DTWD2: variants seen among roughly 807,000 people sequenced by gnomAD.
DTWD2 encodes DTW motif tRNA-uridine aminocarboxypropyltransferase 2, also known as tRNA-uridine aminocarboxypropyltransferase 2.
DTWD2 carries 39 observed loss-of-function variants against 31.8 expected under a neutral mutation model. The ratio of observed to expected loss-of-function variants is 1.22; its 90% confidence interval spans 0.95 to 1.60. The LOEUF (loss-of-function observed/expected upper bound fraction) is 1.60, where lower values mean the gene tolerates loss of function less well. Ranked by LOEUF, DTWD2 falls within the 40% of genes most tolerant of loss-of-function variation. DTWD2 has a pLI of 0.00. For missense variants in DTWD2, 515 were observed against 381.5 expected, an observed-to-expected ratio of 1.35 and a Z score of -2.92; for synonymous variants, 180 against 142.8, an observed-to-expected ratio of 1.26 and a Z score of -1.86.
At chr5:118,847,914 AAC>A (rs59490246) in intron 5 of DTWD2, among the ~76,000 whole-genome samples, 174 bp downstream of exon 5, 49,085 of 146,508 alleles carry the variant, frequency 0.34, 9,079 homozygotes, top group African/African-American at 0.58. Flanking sequence ...TGGAATGCTA[AAC>A]ACACACACAG....
chr5:118,881,410 T>C (rs1413317298), intron 4 of DTWD2, among the ~76,000 whole-genome samples: 1 of 152,218 alleles, frequency 6.6e-6, no homozygotes, highest in Non-Finnish European at 1.5e-5. Flanking sequence ...ATGGCTTATA[T>C]GAGTATTAAT....
In DTWD2 at chr5:118,837,638, T is replaced by C. The variant is rs1039271469; in HGVS notation, c.*3279A>G. ...AGAAACTGAGTAAATTATACAGAAGTGCTCTTCTATATAATTTACTGAGAG... is the reference window on the plus strand; with the variant it reads ...AGAAACTGAGTAAATTATACAGAAGCGCTCTTCTATATAATTTACTGAGAG... On this transcript the variant is annotated 3_prime_UTR_variant, in exon 6 of 6. Coordinates refer to ENST00000510708, the MANE Select transcript of DTWD2 (RefSeq NM_173666.4). The C allele has an allele frequency of 1.3e-5, 2 of 152,158 alleles. No homozygotes were observed. The highest frequency in any genetic ancestry group is 4.8e-5 in the African/African-American group (2 of 41,436). The allele number at this position is 152,158 out of a possible 1,614,324, so 9.4% of individuals were successfully genotyped here.
rs1448907554 is a variant in DTWD2 at position 118,839,017 on chromosome 5, C to G, written c.*1900G>C. ...CTCTACTAAAAATACAAAAAATTAG[C>G]CGGGCGTGGTGGTGGGCACCTGTAG... On this transcript the variant is annotated 3_prime_UTR_variant, in exon 6 of 6. Coordinates refer to ENST00000510708, the MANE Select transcript of DTWD2 (RefSeq NM_173666.4). The G allele has an allele frequency of 6.6e-6, 1 of 152,088 alleles. No homozygotes were observed. Among genetic ancestry groups the G allele is most frequent in the African/African-American group, 2.4e-5 (1 of 41,392 alleles). 9.4% of individuals were successfully genotyped at this position (152,088 alleles called of 1,614,324 possible).
At chr5:118,932,178 C>G (rs956097060) in intron 3 of DTWD2, among the ~76,000 whole-genome samples, 2 of 151,700 alleles carry the variant, frequency 1.3e-5, no homozygotes, top group African/African-American at 4.8e-5. Context: ...ACAACAACAA[C>G]AAAAACAACA....
chr5:118,867,485 C>G lies in DTWD2; in HGVS notation c.598-19267G>C, dbSNP rs561226040. Reference sequence around the variant, plus strand: ...TTCAAGACAGCAGAATGATTAAAAACTCTCTTGAGCCAGACTGTCTTTGAA... The same window carrying G: ...TTCAAGACAGCAGAATGATTAAAAAGTCTCTTGAGCCAGACTGTCTTTGAA... On this transcript the variant is annotated intron_variant, in intron 4 of 5. Transcript: ENST00000510708. 3.9e-5 allele frequency among the ~76,000 whole-genome samples: 6 copies of G among 152,266 alleles called. No homozygotes were observed. The South Asian group carries it at 1.2e-3, about 32-fold the overall frequency.
chr5:118,904,584 A>T (rs563321644), intron 4 of DTWD2, among the ~76,000 whole-genome samples: 1 of 152,280 alleles, frequency 6.6e-6, no homozygotes, highest in East Asian at 1.9e-4. Flanking sequence ...AGACGGGTAC[A>T]TAGACAGATA....
intron 4 of DTWD2, among the ~76,000 whole-genome samples, chr5:118,900,698 G>A (rs1052664597): frequency 6.6e-5 from 10 of 151,962 alleles, no homozygotes; most frequent in East Asian, 1.9e-4. Flanking sequence ...AGGCCAAGAC[G>A]GGCAGATCAC....
At chr5:118,891,951 C>T (rs1443951808) in intron 4 of DTWD2, among the ~76,000 whole-genome samples, 1 of 151,844 alleles carries the variant, frequency 6.6e-6, no homozygotes, top group Non-Finnish European at 1.5e-5. Context: ...AAATATATCA[C>T]GTAAGTTATA....
At chr5:118,931,854 C>A (rs1411671543) in intron 3 of DTWD2, among the ~76,000 whole-genome samples, 2 of 152,102 alleles carry the variant, frequency 1.3e-5, no homozygotes, top group African/African-American at 4.8e-5. Flanking sequence ...CATACCCTGA[C>A]AAATTTAAAA....
chr5:118,950,373 TATTG>T (rs1754436306), intron 1 of DTWD2, among the ~76,000 whole-genome samples: 1 of 152,024 alleles, frequency 6.6e-6, no homozygotes, highest in South Asian at 2.1e-4. Flanking sequence ...GTAGTCTCTG[TATTG>T]ATTAAGAAGG....
At chr5:118,964,026 A>G (rs1448498530) in intron 1 of DTWD2, among the ~76,000 whole-genome samples, 1 of 152,116 alleles carries the variant, frequency 6.6e-6, no homozygotes, top group Non-Finnish European at 1.5e-5. Flanking sequence ...CCTGGCCAAC[A>G]TGGTAAAACC....
intron 4 of DTWD2, among the ~76,000 whole-genome samples, chr5:118,924,133 G>T (rs1395304721): frequency 5.3e-5 from 8 of 152,170 alleles, no homozygotes. Context: ...ACAGACAGGG[G>T]CAGTGAACTC....
intron 4 of DTWD2, among the ~76,000 whole-genome samples, chr5:118,873,122 T>G (rs183262109): frequency 9.2e-5 from 14 of 152,318 alleles, no homozygotes; most frequent in African/African-American, 3.1e-4. Flanking sequence ...GGGGACCCCT[T>G]GATCACCATG....
chr5:118,876,472 G>T (rs1752624157), intron 4 of DTWD2, among the ~76,000 whole-genome samples: 1 of 151,856 alleles, frequency 6.6e-6, no homozygotes, highest in Non-Finnish European at 1.5e-5. Flanking sequence ...TTTAAAAAAA[G>T]AATAGACCAC....
intron 1 of DTWD2, among the ~76,000 whole-genome samples, chr5:118,982,690 T>C (rs1755331487): frequency 1.4e-5 from 2 of 146,904 alleles, no homozygotes; most frequent in South Asian, 2.2e-4. Flanking sequence ...TGTTTTCTTT[T>C]TTTTTTTTTT....
At chr5:118,882,359 T>C (rs547119136) in intron 4 of DTWD2, among the ~76,000 whole-genome samples, 3 of 152,224 alleles carry the variant, frequency 2.0e-5, no homozygotes, top group Non-Finnish European at 2.9e-5. Flanking sequence ...TGGGCTGGCA[T>C]TGAGTATCTG....
rs1441347337 is a variant in DTWD2, at chr5:118,840,886, C to G, written c.*31G>C. ...TTAATTTGGTATTGTTAGATGAAGA[C>G]AGTTAAGCTAGCACCAAAAGAATAA... On this transcript the variant is annotated 3_prime_UTR_variant, in exon 6 of 6. Coordinates refer to ENST00000510708, the MANE Select transcript of DTWD2 (RefSeq NM_173666.4). 6.2e-7 allele frequency: 1 copy of G among 1,602,660 alleles called. No homozygotes were observed. The highest frequency in any genetic ancestry group is 1.1e-5 in the South Asian group (1 of 88,666).
chr5:118,967,737 A>G (rs1754886052), intron 1 of DTWD2, among the ~76,000 whole-genome samples: 1 of 152,272 alleles, frequency 6.6e-6, no homozygotes, highest in Non-Finnish European at 1.5e-5. Context: ...CAGCTCTTCC[A>G]TATAGAAACA....
intron 3 of DTWD2, among the ~76,000 whole-genome samples, chr5:118,931,398 T>TAAAAAA (rs535859715): frequency 3.6e-4 from 39 of 109,770 alleles, no homozygotes; most frequent in African/African-American, 1.2e-3. Context: ...GACCTTGTCT[T>TAAAAAA]AAAAAAAAAA....
Sources: allele counts gnomAD v4.1 joint callset (sites outside exome capture counted in the v4.1 genomes callset), GRCh38; gene constraint gnomAD v4.1.1; transcripts MANE v1.5; gene names NCBI Gene and HGNC (gene_info 2026-07-23, HGNC 2026-07-21).